The following JARID2 variants were observed in gnomAD, a reference collection of about 807,000 sequenced individuals.
JARID2 encodes protein Jumonji.
A neutral mutation model predicts 125.6 loss-of-function variants in JARID2; 21 were observed. That is an observed-to-expected ratio of 0.17 (90% CI 0.12 to 0.24). The LOEUF (loss-of-function observed/expected upper bound fraction) is 0.24. Ranked by LOEUF, JARID2 falls within the 10% of genes least tolerant of loss-of-function variation. The probability of loss-of-function intolerance (pLI) is 1.00; values close to 1 mark genes in which losing one functional copy is unlikely to be tolerated. For synonymous variants in JARID2, 736 were observed against 661.6 expected (o/e 1.11, Z -1.73); for missense variants, 1,303 against 1,639.6 (o/e 0.79, Z 3.55).
intron 1 of JARID2, among the ~76,000 whole-genome samples, chr6:15,283,302 G>A (rs887752310): frequency 2.0e-5 from 3 of 147,818 alleles, no homozygotes; most frequent in East Asian, 2.0e-4. Flanking sequence ...TGAATATGTC[G>A]CAAATATTGT....
intron 1 of JARID2, among the ~76,000 whole-genome samples, chr6:15,368,285 G>A (rs1764046319): frequency 6.6e-6 from 1 of 152,116 alleles, no homozygotes; most frequent in Non-Finnish European, 1.5e-5. Context: ...GAGCATCACA[G>A]GAAAATAAAA....
At chr6:15,490,312 T>C (rs1236084700) in intron 6 of JARID2, among the ~76,000 whole-genome samples, 2 of 152,212 alleles carry the variant, frequency 1.3e-5, no homozygotes, top group Non-Finnish European at 2.9e-5. Context: ...TGTATTGAAA[T>C]GTGGAGGAAT....
chr6:15,304,985 A>G (rs1279125139), intron 1 of JARID2, among the ~76,000 whole-genome samples: 1 of 152,068 alleles, frequency 6.6e-6, no homozygotes. Context: ...TGGAACATTT[A>G]AGACTTGTTT....
intron 6 of JARID2, among the ~76,000 whole-genome samples, chr6:15,492,660 A>G (rs1770209612): frequency 1.3e-5 from 2 of 152,160 alleles, no homozygotes; most frequent in African/African-American, 2.4e-5. Context: ...TTTAGGACAC[A>G]TGGAGCAGCT....
At chr6:15,482,473 A>T (rs1157655892) in intron 5 of JARID2, among the ~76,000 whole-genome samples, 1 of 152,262 alleles carries the variant, frequency 6.6e-6, no homozygotes, top group Admixed American at 6.5e-5. Context: ...TGTTAAACAC[A>T]TATAGCATTT....
In JARID2 at chr6:15,512,339, C is replaced by T. The variant is rs573773858; in HGVS notation, c.3084C>T (p.Thr1028=). 1.7e-5 allele frequency: 28 copies of T among 1,614,188 alleles called. No homozygotes were observed. The highest frequency in any genetic ancestry group is 1.1e-4 in the South Asian group (10 of 91,074). ...GCTGTGGGTACAGCGTGTCTGAAAC[C>T]GTGCACTTTGCTACCACCCAGTGGA... ...KVCCGYSVSE[T]VHFATTQWTS... The change falls in exon 14 of 18, where the codon ACC becomes ACT. Residue 1028 remains threonine, a synonymous_variant. Coordinates refer to ENST00000341776, the MANE Select transcript of JARID2 (RefSeq NM_004973.4).
intron 4 of JARID2, among the ~76,000 whole-genome samples, chr6:15,458,992 C>G (rs921918759): frequency 1.3e-5 from 2 of 152,220 alleles, no homozygotes; most frequent in African/African-American, 4.8e-5. Context: ...ATGTTACTGG[C>G]AGCTCTGCAG....
chr6:15,374,370 T>A, intron 2 of JARID2, 118 bp downstream of exon 2: 1 of 1,038,864 alleles, frequency 9.6e-7, no homozygotes, highest in Non-Finnish European at 1.4e-6. Context: ...CTAAAGGCAG[T>A]CTGTAGGCTA....
At chr6:15,402,940 T>C (rs778576210) in intron 2 of JARID2, among the ~76,000 whole-genome samples, 1 of 152,140 alleles carries the variant, frequency 6.6e-6, no homozygotes, top group Non-Finnish European at 1.5e-5. Context: ...AGAGTAGTCA[T>C]GGGATTGGAC....
chr6:15,519,396 G>A (rs1409355985), intron 17 of JARID2, among the ~76,000 whole-genome samples: 1 of 152,122 alleles, frequency 6.6e-6, no homozygotes, highest in East Asian at 1.9e-4. Context: ...CTTTTCAGAG[G>A]ACTAGAGATC....
intron 3 of JARID2, among the ~76,000 whole-genome samples, chr6:15,416,684 G>C (rs1168255839): frequency 2.1e-5 from 3 of 141,524 alleles, no homozygotes; most frequent in Non-Finnish European, 4.4e-5. Flanking sequence ...CGTGGAAAGA[G>C]AGGGAGAGGG....
chr6:15,379,168 A>AT (rs201864235), intron 2 of JARID2, among the ~76,000 whole-genome samples: 15,438 of 146,918 alleles, frequency 0.11, 872 homozygotes, highest in South Asian at 0.17. Flanking sequence ...CAAGGAATGA[A>AT]TTTTTTTTTT....
At chr6:15,296,036 A>G (rs1184885516) in intron 1 of JARID2, among the ~76,000 whole-genome samples, 1 of 152,204 alleles carries the variant, frequency 6.6e-6, no homozygotes, top group Non-Finnish European at 1.5e-5. Flanking sequence ...GCCATTTCGT[A>G]AGGCTAGACT....
At position 15,473,514 on chromosome 6, in the gene JARID2, G is replaced by GC. The variant is rs3841758; in HGVS notation, c.670+4812dup. Among the ~76,000 whole-genome samples, 19 of 35,058 alleles carry GC rather than the reference G, an allele frequency of 5.4e-4. 2 individuals are homozygous for GC. The highest frequency in any genetic ancestry group is 1.0e-3 in the Non-Finnish European group (14 of 13,442). The allele number at this position is 35,058 out of a possible 152,430, so 23.0% of individuals were successfully genotyped here. A position where few individuals can be genotyped will look rare whatever the true frequency, so the allele number is the denominator to read the frequency against. ...GTCTCCCTTGTCTTCTGATGTGCGTGCCCCCCCCCCCCCCCCGCTTTGTGT... is the reference window on the plus strand; with the variant it reads ...GTCTCCCTTGTCTTCTGATGTGCGTGCCCCCCCCCCCCCCCCCGCTTTGTGT... On this transcript the variant is annotated intron_variant, in intron 5 of 17. Coordinates refer to ENST00000341776, the MANE Select transcript of JARID2 (RefSeq NM_004973.4).
At chr6:15,353,556 T>G (rs1763499837) in intron 1 of JARID2, among the ~76,000 whole-genome samples, 1 of 152,182 alleles carries the variant, frequency 6.6e-6, no homozygotes, top group African/African-American at 2.4e-5. Flanking sequence ...GAATGCCAAT[T>G]GATCGTGGTG....
intron 1 of JARID2, among the ~76,000 whole-genome samples, chr6:15,339,212 C>G (rs1408698149): frequency 6.6e-6 from 1 of 152,132 alleles, no homozygotes; most frequent in Non-Finnish European, 1.5e-5. Context: ...CTAAGTTGTC[C>G]ATGATTGACC....
chr6:15,283,705 A>AG (rs1760877608), intron 1 of JARID2, among the ~76,000 whole-genome samples: 2 of 113,134 alleles, frequency 1.8e-5, no homozygotes, highest in South Asian at 5.7e-4. Flanking sequence ...TCCTTTAAGT[A>AG]TTTTTTTTTT....
Position 15,424,727 on chromosome 6 carries a change from C to T in JARID2, c.323+14362C>T, listed in dbSNP as rs1048095933. 3.9e-5 allele frequency among the ~76,000 whole-genome samples: 6 copies of T among 152,102 alleles called. No homozygotes were observed. In the South Asian group the frequency reaches 1.0e-3, roughly 26 times the overall value. ...ATACAAAATTAGCTTGGTGTGGTGGCGCATCCTTGTAATCCCAGCTACTCA... is the reference window on the plus strand; with the variant it reads ...ATACAAAATTAGCTTGGTGTGGTGGTGCATCCTTGTAATCCCAGCTACTCA... On this transcript the variant is annotated intron_variant, in intron 3 of 17. Coordinates refer to ENST00000341776, the MANE Select transcript of JARID2 (RefSeq NM_004973.4).
intron 1 of JARID2, among the ~76,000 whole-genome samples, chr6:15,283,564 G>A (rs370322865): frequency 6.7e-6 from 1 of 150,118 alleles, no homozygotes; most frequent in Non-Finnish European, 1.5e-5. Flanking sequence ...GGACGGTCTC[G>A]ATCTGCCGAC....
Sources: gnomAD v4.1 joint callset for allele counts (sites outside exome capture counted in the v4.1 genomes callset) on GRCh38, gnomAD v4.1.1 for gene constraint, MANE v1.5 for transcripts, NCBI Gene and HGNC (gene_info 2026-07-23, HGNC 2026-07-21) for gene names.